The following GLIS3 variants were observed in gnomAD, a reference collection of about 807,000 sequenced individuals.
GLIS3 encodes zinc finger protein GLIS3.
A neutral mutation model predicts 78.6 loss-of-function variants in GLIS3; 53 were observed. The ratio of observed to expected loss-of-function variants is 0.67; its 90% CI spans 0.54 to 0.85. The LOEUF is 0.85. Among genes scored for constraint, GLIS3 ranks in the 40% least tolerant of loss-of-function variants. The pLI, the probability that GLIS3 is intolerant of heterozygous loss-of-function variation, is 0.00. For synonymous variants in GLIS3, 684 were observed against 509.9 expected (o/e 1.34, Z -4.60); for missense variants, 1,703 against 1,231.1 (o/e 1.38, Z -5.74).
chr9:3,891,372 T>C (rs1449391609), intron 7 of GLIS3, among the ~76,000 whole-genome samples: 1 of 152,112 alleles, frequency 6.6e-6, no homozygotes, highest in Non-Finnish European at 1.5e-5. Context: ...AAAGCGATGA[T>C]CACAGGGATT....
intron 4 of GLIS3, among the ~76,000 whole-genome samples, chr9:4,105,806 C>T (rs1830706328): frequency 6.6e-6 from 1 of 152,074 alleles, no homozygotes; most frequent in Non-Finnish European, 1.5e-5. Context: ...TCTATGGGCA[C>T]AGCACAAAAC....
At chr9:4,297,385 C>T (rs1162322014) in intron 1 of GLIS3, among the ~76,000 whole-genome samples, 1 of 152,192 alleles carries the variant, frequency 6.6e-6, no homozygotes. Context: ...GGCTCGGTTT[C>T]CTCATCAGGT....
intron 2 of GLIS3, among the ~76,000 whole-genome samples, chr9:4,331,873 T>C (rs1817691357): frequency 1.3e-5 from 2 of 152,082 alleles, no homozygotes; most frequent in East Asian, 1.9e-4. Context: ...AGAGAAAATA[T>C]GATTTATTAC....
intron 8 of GLIS3, among the ~76,000 whole-genome samples, chr9:3,875,196 TGCCATAG>T: frequency 1.3e-5 from 2 of 152,340 alleles, no homozygotes; most frequent in Admixed American, 1.3e-4. Context: ...TCATTCAACA[TGCCATAG>T]TAAAACACCA....
intron 2 of GLIS3, among the ~76,000 whole-genome samples, chr9:4,222,096 C>T (rs939265470): frequency 6.6e-6 from 1 of 152,158 alleles, no homozygotes; most frequent in African/African-American, 2.4e-5. Flanking sequence ...ATTCATGCTG[C>T]CAGTAACACC....
chr9:4,041,096 C>G (rs1016779811), intron 4 of GLIS3, among the ~76,000 whole-genome samples: 1 of 152,210 alleles, frequency 6.6e-6, no homozygotes, highest in African/African-American at 2.4e-5. Flanking sequence ...ATCTGCAAGG[C>G]AGGCATTTTG....
chr9:3,965,340 C>T (rs933488074), intron 4 of GLIS3, among the ~76,000 whole-genome samples: 5 of 151,392 alleles, frequency 3.3e-5, no homozygotes, highest in African/African-American at 4.9e-5. Context: ...ACTACAGGCG[C>T]GAGCCACCAC....
chr9:4,319,529 T>TAACA (rs1332330664), intron 2 of GLIS3, among the ~76,000 whole-genome samples: 1 of 134,584 alleles, frequency 7.4e-6, no homozygotes, highest in Non-Finnish European at 1.6e-5. Context: ...ATCCAAATAC[T>TAACA]AACACTTTTT....
At chr9:4,204,721 C>G (rs903917694) in intron 2 of GLIS3, among the ~76,000 whole-genome samples, 1 of 152,048 alleles carries the variant, frequency 6.6e-6, no homozygotes. Context: ...AGTTTGAGAC[C>G]AGCCTGGGCA....
At chr9:3,986,712 C>T (rs972780467) in intron 4 of GLIS3, among the ~76,000 whole-genome samples, 2 of 152,202 alleles carry the variant, frequency 1.3e-5, no homozygotes, top group Non-Finnish European at 2.9e-5. Context: ...CCAGCAGGGA[C>T]CAGTGGAAGC....
At chr9:4,028,780 T>C (rs1823565697) in intron 4 of GLIS3, among the ~76,000 whole-genome samples, 1 of 152,210 alleles carries the variant, frequency 6.6e-6, no homozygotes, top group Non-Finnish European at 1.5e-5. Flanking sequence ...TATATGGATT[T>C]GTAGCTAATG....
At chr9:3,941,408 G>C (rs1325096930) in intron 4 of GLIS3, among the ~76,000 whole-genome samples, 1 of 151,422 alleles carries the variant, frequency 6.6e-6, no homozygotes, top group Admixed American at 6.6e-5. Flanking sequence ...TTAAGTTTTA[G>C]GGTACATGTG....
chr9:3,884,024 G>A (rs1821908154), intron 7 of GLIS3, among the ~76,000 whole-genome samples: 1 of 152,104 alleles, frequency 6.6e-6, no homozygotes, highest in Non-Finnish European at 1.5e-5. Flanking sequence ...TAACTCAGTT[G>A]AGCTTTATAA....
chr9:3,892,374 G>A (rs1185871442), intron 7 of GLIS3, among the ~76,000 whole-genome samples: 2 of 152,192 alleles, frequency 1.3e-5, no homozygotes, highest in Non-Finnish European at 2.9e-5. Context: ...TTGAGTCACG[G>A]CCGGGGCACC....
At position 4,233,528 on chromosome 9, in the gene GLIS3, T is replaced by C. The variant is rs186355586; in HGVS notation, c.388+52510A>G. Reference sequence around the variant, plus strand: ...GAGCAGTAGGTCTCAACAGAGGACTTAAAATACTCAGTAAACCATGACGTA... The same window carrying C: ...GAGCAGTAGGTCTCAACAGAGGACTCAAAATACTCAGTAAACCATGACGTA... On this transcript the variant is annotated intron_variant, in intron 2 of 10. Transcript: ENST00000381971. Among the ~76,000 whole-genome samples, 8 of 152,344 alleles carry C rather than the reference T, an allele frequency of 5.3e-5. No individual in the cohort carries two copies. In the East Asian group the frequency reaches 1.5e-3, roughly 29 times the overall value.
At chr9:4,158,802 T>C (rs1333366434) in intron 2 of GLIS3, among the ~76,000 whole-genome samples, 2 of 152,080 alleles carry the variant, frequency 1.3e-5, no homozygotes, top group African/African-American at 4.8e-5. Context: ...ACACGATAAT[T>C]TCAAATAAGC....
chr9:4,401,593 A>G, the GLIS3 span, among the ~76,000 whole-genome samples: 1 of 126,228 alleles, frequency 7.9e-6, no homozygotes, highest in Non-Finnish European at 1.6e-5. Context: ...TTTGCAACAG[A>G]GTCTCACTCT....
intron 9 of GLIS3, among the ~76,000 whole-genome samples, chr9:3,842,160 C>G (rs780687258): frequency 1.3e-5 from 2 of 152,152 alleles, no homozygotes; most frequent in African/African-American, 2.4e-5. Flanking sequence ...TGTGAGCCAG[C>G]CTGGTTCTAT....
chr9:4,211,630 C>A (rs192914043), intron 2 of GLIS3, among the ~76,000 whole-genome samples: 1 of 152,156 alleles, frequency 6.6e-6, no homozygotes, highest in African/African-American at 2.4e-5. Flanking sequence ...TTTCTTAAAA[C>A]GTTAAATTTA....
Sources: allele counts gnomAD v4.1 joint callset (sites outside exome capture counted in the v4.1 genomes callset), GRCh38; gene constraint gnomAD v4.1.1; transcripts MANE v1.5; gene names NCBI Gene and HGNC (gene_info 2026-07-23, HGNC 2026-07-21).